The following SENP7 variants were observed in gnomAD, a reference collection of about 807,000 sequenced individuals.
The protein encoded by SENP7 is sentrin-specific protease 7.
A neutral mutation model predicts 141.2 loss-of-function variants in SENP7; 64 were observed. That is an observed-to-expected ratio of 0.45 (90% CI 0.37 to 0.56). The LOEUF is 0.56. Ranked by LOEUF, SENP7 falls within the 20% of genes least tolerant of loss-of-function variation. The probability of loss-of-function intolerance (pLI) is 0.00; values close to 1 mark genes in which losing one functional copy is unlikely to be tolerated. For synonymous variants in SENP7, 382 were observed against 426.4 expected (o/e 0.90, Z 1.28); for missense variants, 1,025 against 1,212.2 (o/e 0.85, Z 2.29).
intron 3 of SENP7, among the ~76,000 whole-genome samples, chr3:101,465,106 C>G (rs1184519311): frequency 6.6e-6 from 1 of 151,992 alleles, no homozygotes; most frequent in Non-Finnish European, 1.5e-5. Flanking sequence ...AACAACCTAC[C>G]CACCTACTGC....
At chr3:101,511,727 C>T (rs963362663) in intron 1 of SENP7, among the ~76,000 whole-genome samples, 5 of 152,240 alleles carry the variant, frequency 3.3e-5, no homozygotes, top group African/African-American at 9.6e-5. Context: ...TCCATAATCA[C>T]TCTCCTTTGC....
chr3:101,417,638 C>T lies in SENP7; in HGVS notation c.437G>A (p.Cys146Tyr), dbSNP rs751081112. The T allele has an allele frequency of 5.0e-6, 8 of 1,613,848 alleles. No individual in the cohort carries two copies. In the African/African-American group the frequency reaches 1.1e-4, roughly 22 times the overall value. The change falls in exon 5 of 24, where the codon TGT (cysteine) becomes TAT (tyrosine). Residue 146 changes from cysteine (C) to tyrosine (Y), a missense_variant. Coordinates refer to ENST00000394095, the MANE Select transcript of SENP7 (RefSeq NM_020654.5). Reference protein sequence around the residue: ...PSTSVDSLETCQKLEPLRQSL... With the variant: ...PSTSVDSLETYQKLEPLRQSL... ...TTGGCGAAGAGGTTCTAATTTTTGA[C>T]ATGTCTCTAGGCTGTCAACAGATGT... is the stretch of plus-strand genomic sequence containing the variant.
chr3:101,456,792 CTTTTA>C (rs1206852176), intron 4 of SENP7, among the ~76,000 whole-genome samples: 1 of 151,978 alleles, frequency 6.6e-6, no homozygotes, highest in East Asian at 1.9e-4. Context: ...TTAAATTTTA[CTTTTA>C]TTAGTTTTTT....
At chr3:101,326,846 T>C (rs2107174987) in intron 23 of SENP7, among the ~76,000 whole-genome samples, 1 of 152,166 alleles carries the variant, frequency 6.6e-6, no homozygotes, top group African/African-American at 2.4e-5. Context: ...AAACAGTAAA[T>C]TATACTGTTT....
intron 6 of SENP7, among the ~76,000 whole-genome samples, chr3:101,391,651 T>C (rs2060819873): frequency 2.0e-5 from 3 of 152,120 alleles, no homozygotes; most frequent in Admixed American, 1.3e-4. Flanking sequence ...CTGAATTCTA[T>C]CAATCTTATA....
At chr3:101,375,647 A>G (rs2060307551) in intron 6 of SENP7, among the ~76,000 whole-genome samples, 1 of 152,124 alleles carries the variant, frequency 6.6e-6, no homozygotes, top group Non-Finnish European at 1.5e-5. Context: ...AAGCAGGTAC[A>G]TGAACAGATT....
chr3:101,474,445 T>A (rs1382169408), intron 3 of SENP7, among the ~76,000 whole-genome samples: 1 of 152,184 alleles, frequency 6.6e-6, no homozygotes, highest in Admixed American at 6.5e-5. Context: ...TTGTGGCAGT[T>A]CTGAATGAGT....
At chr3:101,489,923 G>A (rs1344301800) in intron 3 of SENP7, among the ~76,000 whole-genome samples, 2 of 152,168 alleles carry the variant, frequency 1.3e-5, no homozygotes, top group Non-Finnish European at 1.5e-5. Context: ...AGTGGTTCAC[G>A]CCTGTAATGC....
At chr3:101,347,405 TAA>T (rs1005538526) in intron 13 of SENP7, 3 of 151,990 alleles carry the variant, frequency 2.0e-5, no homozygotes, top group African/African-American at 7.3e-5. Flanking sequence ...TTATGTGAAT[TAA>T]ATAATCTATC....
At position 101,389,497 on chromosome 3, in the gene SENP7, T is replaced by C. The variant is rs2060751447; in HGVS notation, c.677+9364A>G. On this transcript the variant is annotated intron_variant, in intron 6 of 23. Coordinates refer to ENST00000394095, the MANE Select transcript of SENP7 (RefSeq NM_020654.5). ...CAGGCCAGAAGAGAATGAGATGATA[T>C]ATTCAAAGTACTAAAAGAAAAAAAA... 3.3e-5 allele frequency among the ~76,000 whole-genome samples: 5 copies of C among 151,702 alleles called. No homozygotes were observed. The South Asian group carries it at 8.3e-4, about 25-fold the overall frequency.
At chr3:101,340,399 C>T (rs1020912664) in intron 15 of SENP7, 188 bp from the exon 16 acceptor site, 8 of 639,488 alleles carry the variant, frequency 1.3e-5, no homozygotes, top group African/African-American at 7.7e-5. Flanking sequence ...AATGGTACTC[C>T]GATTGAGTAT....
At chr3:101,484,733 G>T (rs1323415034) in intron 3 of SENP7, among the ~76,000 whole-genome samples, 2 of 152,158 alleles carry the variant, frequency 1.3e-5, no homozygotes, top group South Asian at 2.1e-4. Context: ...CTGGGAGCTC[G>T]CTGCGTCCCC....
chr3:101,399,541 T>A (rs1220997582), intron 5 of SENP7, among the ~76,000 whole-genome samples: 1 of 152,232 alleles, frequency 6.6e-6, no homozygotes, highest in Non-Finnish European at 1.5e-5. Flanking sequence ...AATGAAAGAT[T>A]CCGTAACTGA....
intron 4 of SENP7, among the ~76,000 whole-genome samples, chr3:101,418,483 G>C (rs1189997823): frequency 3.9e-5 from 6 of 152,154 alleles, no homozygotes; most frequent in Non-Finnish European, 7.4e-5. Context: ...CTGCAGTGGT[G>C]TGAACAGGCT....
chr3:101,478,151 T>C (rs750583843), intron 3 of SENP7, among the ~76,000 whole-genome samples: 8 of 152,134 alleles, frequency 5.3e-5, no homozygotes, highest in Non-Finnish European at 1.2e-4. Flanking sequence ...GATAAATTTC[T>C]GGACACATAC....
At chr3:101,418,658 A>C (rs4508750) in intron 4 of SENP7, among the ~76,000 whole-genome samples, 3 of 151,068 alleles carry the variant, frequency 2.0e-5, no homozygotes, top group African/African-American at 7.3e-5. Flanking sequence ...ATGTTCACAT[A>C]TTTTCAAGAT....
chr3:101,469,953 G>C (rs904137154), intron 3 of SENP7, among the ~76,000 whole-genome samples: 1 of 151,900 alleles, frequency 6.6e-6, no homozygotes, highest in Non-Finnish European at 1.5e-5. Context: ...CATGGAAAGT[G>C]AACAACTTGC....
At chr3:101,429,249 T>C (rs6809800) in intron 4 of SENP7, among the ~76,000 whole-genome samples, 60,323 of 152,048 alleles carry the variant, frequency 0.4, 12,490 homozygotes, top group Admixed American at 0.54. Context: ...GGTAGCTTGA[T>C]AGGGATAGCA....
intron 5 of SENP7, among the ~76,000 whole-genome samples, chr3:101,415,407 G>A (rs2061585100): frequency 6.6e-6 from 1 of 152,024 alleles, no homozygotes; most frequent in Admixed American, 6.6e-5. Flanking sequence ...CAAAATGACA[G>A]GACAATCTTG....
Sources: allele counts gnomAD v4.1 joint callset (sites outside exome capture counted in the v4.1 genomes callset), GRCh38; gene constraint gnomAD v4.1.1; transcripts MANE v1.5; gene names NCBI Gene and HGNC (gene_info 2026-07-23, HGNC 2026-07-21).